The following SLC30A8 variants were observed in gnomAD, a reference collection of about 807,000 sequenced individuals.
SLC30A8 encodes the protein solute carrier family 30 member 8, also known as proton-coupled zinc antiporter SLC30A8.
SLC30A8 carries 27 observed loss-of-function variants against 36.9 expected under a neutral mutation model. That is an observed-to-expected ratio of 0.73 (90% confidence interval 0.54 to 1.01). The LOEUF is 1.01. Ranked by LOEUF, SLC30A8 falls within the 50% of genes least tolerant of loss-of-function variation. SLC30A8 has a pLI of 0.00. For synonymous variants in SLC30A8, 164 were observed against 172.4 expected (o/e 0.95, Z 0.38); for missense variants, 439 against 452.0 (o/e 0.97, Z 0.26).
rs959991643 is a variant in SLC30A8, at chr8:117,053,333, C to T, written c.-226+14075C>T. On this transcript the variant is annotated intron_variant, in intron 2 of 10. Transcript: ENST00000427715. ...TTATTTTCCTATCGTCTGGTTTCCA[C>T]CCATTCTCAGATCCGTTCAGAGAAT... is the stretch of plus-strand genomic sequence containing the variant. Among the ~76,000 whole-genome samples the T allele has an allele frequency of 2.6e-5, 4 of 152,270 alleles. No individual in the cohort carries two copies. The South Asian group carries it at 6.2e-4, about 24-fold the overall frequency.
chr8:117,139,280 G>T (rs547988134), intron 1 of SLC30A8, among the ~76,000 whole-genome samples: 2 of 152,092 alleles, frequency 1.3e-5, no homozygotes, highest in East Asian at 3.9e-4. Context: ...AGGTTAATTG[G>T]GGTTATAAGA....
chr8:117,016,504 C>G (rs1459271363), intron 1 of SLC30A8, among the ~76,000 whole-genome samples: 3 of 152,192 alleles, frequency 2.0e-5, no homozygotes, highest in Admixed American at 6.5e-5. Flanking sequence ...ACATCTCTCT[C>G]AAGTCTCTCA....
intron 1 of SLC30A8, among the ~76,000 whole-genome samples, chr8:117,019,491 C>T: frequency 6.6e-6 from 1 of 152,156 alleles, no homozygotes; most frequent in East Asian, 1.9e-4. Context: ...TTCATTTGTC[C>T]TATTACAAGA....
rs971067919 is a variant in SLC30A8 at position 116,966,653 on chromosome 8, A to G, written c.-266+15534A>G. Among the ~76,000 whole-genome samples, 48 of 152,198 alleles carry G rather than the reference A, an allele frequency of 3.2e-4. 1 individual carries two copies. Among genetic ancestry groups the G allele is most frequent in the Non-Finnish European group, 8.8e-5 (6 of 68,028 alleles). Reference sequence around the variant, plus strand: ...ATGAATTATAAGGGGATAAGATTCTAATGAATTTGCCCACAGAAAACCTAT... The same window carrying G: ...ATGAATTATAAGGGGATAAGATTCTGATGAATTTGCCCACAGAAAACCTAT... On this transcript the variant is annotated intron_variant, in intron 1 of 10. Transcript: ENST00000427715.
In SLC30A8 at chr8:117,021,172, G is replaced by C. The variant is rs943307423; in HGVS notation, c.-265-18047G>C. 1.1e-4 allele frequency among the ~76,000 whole-genome samples: 17 copies of C among 151,992 alleles called. No individual in the cohort carries two copies. In the South Asian group the frequency reaches 3.3e-3, roughly 30 times the overall value. ...TAATAGCCTTGATTTTTTTCCTCTT[G>C]GTCCTCAAAGCCTACAGTTGTTACC... is the stretch of plus-strand genomic sequence containing the variant. On this transcript the variant is annotated intron_variant, in intron 1 of 10. Transcript: ENST00000427715.
intron 2 of SLC30A8, among the ~76,000 whole-genome samples, chr8:117,151,121 T>G (rs187880886): frequency 6.2e-4 from 94 of 152,288 alleles, no homozygotes; most frequent in African/African-American, 2.2e-3. Context: ...GTTCTTTCAC[T>G]CTATTTTAGT....
chr8:116,960,431 T>C (rs1488533288), intron 1 of SLC30A8, among the ~76,000 whole-genome samples: 1 of 152,228 alleles, frequency 6.6e-6, no homozygotes, highest in Non-Finnish European at 1.5e-5. Context: ...AAAAGATAAT[T>C]ACTGGGACAT....
At chr8:117,074,750 T>C (rs1007929170) in intron 2 of SLC30A8, among the ~76,000 whole-genome samples, 2 of 152,204 alleles carry the variant, frequency 1.3e-5, no homozygotes, top group Non-Finnish European at 2.9e-5. Context: ...CCACTGTATT[T>C]CTTGTCACTT....
At chr8:117,119,147 A>G (rs955080903) in intron 2 of SLC30A8, among the ~76,000 whole-genome samples, 2 of 152,008 alleles carry the variant, frequency 1.3e-5, no homozygotes, top group East Asian at 3.9e-4. Context: ...AGGCTCTACT[A>G]GTAGGCTAAG....
chr8:117,094,162 C>T (rs561259913), intron 2 of SLC30A8, among the ~76,000 whole-genome samples: 1 of 152,374 alleles, frequency 6.6e-6, no homozygotes, highest in East Asian at 1.9e-4. Context: ...CATCTTCTCT[C>T]TCTTCTCCTT....
chr8:117,150,587 T>TAACA (rs1206031289), intron 2 of SLC30A8, among the ~76,000 whole-genome samples: 3 of 152,174 alleles, frequency 2.0e-5, no homozygotes, highest in African/African-American at 7.2e-5. Flanking sequence ...TTCCCTTCGC[T>TAACA]AACACTATCG....
chr8:117,093,598 A>G (rs1206214839), intron 2 of SLC30A8, among the ~76,000 whole-genome samples: 1 of 152,028 alleles, frequency 6.6e-6, no homozygotes, highest in African/African-American at 2.4e-5. Flanking sequence ...CTGTTTTTCT[A>G]CTAGTTAGTG....
intron 2 of SLC30A8, among the ~76,000 whole-genome samples, chr8:117,118,914 A>G (rs1428157466): frequency 6.6e-6 from 1 of 151,986 alleles, no homozygotes. Flanking sequence ...TTCAGTTAAC[A>G]TCGAAACTCA....
chr8:117,031,924 C>T (rs1817063829), intron 1 of SLC30A8, among the ~76,000 whole-genome samples: 1 of 152,182 alleles, frequency 6.6e-6, no homozygotes, highest in African/African-American at 2.4e-5. Flanking sequence ...GAAATCCCTT[C>T]ATCCCCTTCA....
intron 5 of SLC30A8, among the ~76,000 whole-genome samples, chr8:117,162,382 G>A (rs548459317): frequency 1.2e-4 from 19 of 152,170 alleles, no homozygotes; most frequent in Admixed American, 9.2e-4. Context: ...GGAGGTTAGA[G>A]CACCTGATTT....
rs1818040770 is a variant in SLC30A8 at position 117,062,250 on chromosome 8, T to A, written c.-226+22992T>A. Among the ~76,000 whole-genome samples, 2 of 152,178 alleles carry A rather than the reference T, an allele frequency of 1.3e-5. 1 individual carries two copies. The highest frequency in any genetic ancestry group is 1.3e-4 in the Admixed American group (2 of 15,276). ...ATGGCATGTGTGTTAGTTAGGTTGT[T>A]CTTGTATTACTATAGAGAAATGTCT... On this transcript the variant is annotated intron_variant, in intron 2 of 10. Coordinates refer to the SLC30A8 transcript ENST00000427715.
chr8:117,066,866 T>C (rs981845107), intron 2 of SLC30A8, among the ~76,000 whole-genome samples: 1 of 152,140 alleles, frequency 6.6e-6, no homozygotes, highest in African/African-American at 2.4e-5. Context: ...CTTGATGACA[T>C]GTTCTGAGCT....
At chr8:116,978,132 A>G (rs1259733776) in intron 1 of SLC30A8, among the ~76,000 whole-genome samples, 1 of 152,136 alleles carries the variant, frequency 6.6e-6, no homozygotes, top group African/African-American at 2.4e-5. Context: ...TCAAACCAGT[A>G]TAGCCTAGTC....
intron 1 of SLC30A8, among the ~76,000 whole-genome samples, chr8:116,967,028 T>A (rs1001625781): frequency 6.6e-6 from 1 of 152,246 alleles, no homozygotes; most frequent in African/African-American, 2.4e-5. Context: ...CTGCTTCTTT[T>A]AAATCTTGAA....
Sources: gnomAD v4.1 joint callset for allele counts (sites outside exome capture counted in the v4.1 genomes callset) on GRCh38, gnomAD v4.1.1 for gene constraint, MANE v1.5 for transcripts, NCBI Gene and HGNC (gene_info 2026-07-23, HGNC 2026-07-21) for gene names.